CRYL1: variants seen among roughly 807,000 people sequenced by gnomAD.
CRYL1 encodes crystallin lambda 1, also known as lambda-crystallin homolog.
A neutral mutation model predicts 36.6 loss-of-function variants in CRYL1; 29 were observed. That is an observed-to-expected ratio of 0.79 (90% CI 0.59 to 1.08). The LOEUF (loss-of-function observed/expected upper bound fraction) is 1.08, where lower values mean the gene tolerates loss of function less well. CRYL1 is among the 50% of genes least tolerant of loss of function. The pLI is 0.00. For synonymous variants in CRYL1, 152 were observed against 151.5 expected, an observed-to-expected ratio of 1.00 and a Z score of -0.02; for missense variants, 411 against 407.9, an observed-to-expected ratio of 1.01 and a Z score of -0.06.
At chr13:20,467,921 A>G (rs1034213428) in intron 3 of CRYL1, among the ~76,000 whole-genome samples, 1 of 152,184 alleles carries the variant, frequency 6.6e-6, no homozygotes, top group Non-Finnish European at 1.5e-5. Context: ...CTGTTAGATC[A>G]GCGTGGCATT....
At chr13:20,439,531 G>GAAA in intron 4 of CRYL1, 62 bp downstream of exon 4, 3 of 489,452 alleles carry the variant, frequency 6.1e-6, no homozygotes, top group African/African-American at 7.5e-5. Flanking sequence ...AAAAAAAAAA[G>GAAA]AAAAAAAAAA....
chr13:20,456,368 G>A (rs1162051944), intron 3 of CRYL1, among the ~76,000 whole-genome samples: 2 of 151,254 alleles, frequency 1.3e-5, no homozygotes, highest in Non-Finnish European at 2.9e-5. Flanking sequence ...AGCTACTCAA[G>A]AGGCTGAGGC....
chr13:20,524,955 A>G (rs74038911), intron 1 of CRYL1, among the ~76,000 whole-genome samples: 4,986 of 150,412 alleles, frequency 0.033, 285 homozygotes, highest in African/African-American at 0.11. Context: ...TAACATGTTT[A>G]TAGATTGCTG....
chr13:20,404,861 T>G, intron 6 of CRYL1, 120 bp from the exon 7 acceptor site: 1 of 709,504 alleles, frequency 1.4e-6, no homozygotes. Context: ...CACTCTTCCC[T>G]CCCTGTGAAG....
At chr13:20,428,620 G>A (rs944494806) in intron 5 of CRYL1, among the ~76,000 whole-genome samples, 8 of 152,160 alleles carry the variant, frequency 5.3e-5, no homozygotes, top group East Asian at 3.9e-4. Context: ...GAGTGGCAAC[G>A]CAGCTGACAT....
Position 20,512,459 on chromosome 13 carries a change from C to T in CRYL1, c.133G>A (p.Ala45Thr), listed in dbSNP as rs756024227. 26 of 1,613,524 alleles carry T rather than the reference C, an allele frequency of 1.6e-5. No homozygotes were observed. The South Asian group carries it at 2.4e-4, about 15-fold the overall frequency. Reference protein sequence around the residue: ...YDIEQQQIRNALENIRKEMKL... With the variant: ...YDIEQQQIRNTLENIRKEMKL... ...CTGGCCCACCTGATGTTTTCCAGGG[C>T]GTTCCTTATCTGCTGTTGCTCAATG... is the stretch of plus-strand genomic sequence containing the variant. The change falls in exon 2 of 8, where the codon GCC (alanine) becomes ACC (threonine). Residue 45 changes from alanine to threonine, a missense_variant. Transcript: ENST00000298248.
chr13:20,461,663 C>T (rs1161096294), intron 3 of CRYL1, among the ~76,000 whole-genome samples: 1 of 152,056 alleles, frequency 6.6e-6, no homozygotes, highest in East Asian at 1.9e-4. Context: ...CACAGCATGA[C>T]TCACCCCATC....
intron 3 of CRYL1, among the ~76,000 whole-genome samples, chr13:20,447,521 C>A (rs1364713940): frequency 6.6e-6 from 1 of 152,066 alleles, no homozygotes; most frequent in Non-Finnish European, 1.5e-5. Flanking sequence ...TCCACCACCC[C>A]CCCTCCCTAG....
intron 3 of CRYL1, among the ~76,000 whole-genome samples, chr13:20,463,834 G>C (rs1183689016): frequency 6.6e-6 from 1 of 152,162 alleles, no homozygotes; most frequent in Admixed American, 6.5e-5. Context: ...ATTATTCGAA[G>C]ATGTAGTAGT....
At chr13:20,452,881 A>G (rs770384512) in intron 3 of CRYL1, among the ~76,000 whole-genome samples, 5 of 152,166 alleles carry the variant, frequency 3.3e-5, no homozygotes, top group Non-Finnish European at 7.4e-5. Flanking sequence ...AAAAAGTGTT[A>G]TATTGGATTT....
At chr13:20,468,316 A>G (rs1271875250) in intron 3 of CRYL1, among the ~76,000 whole-genome samples, 2 of 152,186 alleles carry the variant, frequency 1.3e-5, no homozygotes, top group Non-Finnish European at 2.9e-5. Context: ...TTTTAGAGAC[A>G]ACGTCTCCCT....
At chr13:20,497,637 ACAC>A (rs746540509) in intron 2 of CRYL1, among the ~76,000 whole-genome samples, 39 of 148,242 alleles carry the variant, frequency 2.6e-4, no homozygotes, top group Admixed American at 2.0e-3. Context: ...ACACACAACT[ACAC>A]CACCACATAC....
chr13:20,408,310 C>G (rs968846610), intron 6 of CRYL1, among the ~76,000 whole-genome samples: 1 of 152,164 alleles, frequency 6.6e-6, no homozygotes, highest in African/African-American at 2.4e-5. Context: ...CACCAGCCAC[C>G]AGGCATCTCA....
At chr13:20,521,922 C>T (rs568549838) in intron 1 of CRYL1, among the ~76,000 whole-genome samples, 4 of 152,256 alleles carry the variant, frequency 2.6e-5, no homozygotes, top group South Asian at 4.1e-4. Flanking sequence ...CTGCGAAGGG[C>T]ACATTTAGTG....
intron 6 of CRYL1, among the ~76,000 whole-genome samples, chr13:20,410,257 T>G (rs2031484024): frequency 1.3e-5 from 2 of 149,288 alleles, no homozygotes; most frequent in Admixed American, 1.3e-4. Context: ...TTGGAAATCA[T>G]CATTCTCAGT....
intron 3 of CRYL1, among the ~76,000 whole-genome samples, chr13:20,466,066 G>A (rs960252436): frequency 6.6e-6 from 1 of 152,050 alleles, no homozygotes; most frequent in Non-Finnish European, 1.5e-5. Context: ...CTCACCAGAA[G>A]CCGGGTAGAT....
chr13:20,462,167 TGGCAG>T, intron 3 of CRYL1, among the ~76,000 whole-genome samples: 1 of 113,794 alleles, frequency 8.8e-6, no homozygotes, highest in Non-Finnish European at 1.8e-5. Flanking sequence ...AGGGATAAGG[TGGCAG>T]GACGACCTAG....
At chr13:20,430,436 C>T (rs2032033228) in intron 5 of CRYL1, 2 of 985,320 alleles carry the variant, frequency 2.0e-6, no homozygotes, top group Non-Finnish European at 2.4e-6. Flanking sequence ...TAAGAATGTT[C>T]CCGCTAGCCA....
In CRYL1 at chr13:20,429,362, T is replaced by G. The variant is rs114355772; in HGVS notation, c.633+2740A>C. Among the ~76,000 whole-genome samples the G allele has an allele frequency of 7.4e-3, 1,130 of 152,236 alleles. 11 individuals carry two copies. Among genetic ancestry groups the G allele is most frequent in the African/African-American group, 0.026 (1,084 of 41,558 alleles). On this transcript the variant is annotated intron_variant, in intron 5 of 7. Coordinates refer to ENST00000298248, the MANE Select transcript of CRYL1 (RefSeq NM_015974.3). ...GTTCATCTGGCTTGGAAGTTGTGAG[T>G]CAAAGGGGTGTCATTGCACCCTGTG...
Sources: gnomAD v4.1 joint callset for allele counts (sites outside exome capture counted in the v4.1 genomes callset) on GRCh38, gnomAD v4.1.1 for gene constraint, MANE v1.5 for transcripts, NCBI Gene and HGNC (gene_info 2026-07-23, HGNC 2026-07-21) for gene names.